The following MEIG1 variants were observed in gnomAD, a reference collection of about 807,000 sequenced individuals.
MEIG1 encodes meiosis/spermiogenesis associated 1.
In MEIG1, 12 loss-of-function variants were observed where a neutral mutation model predicts 11.3. That is an observed-to-expected ratio of 1.07 (90% CI 0.68 to 1.73). The LOEUF (loss-of-function observed/expected upper bound fraction) is 1.73, where lower values mean the gene tolerates loss of function less well. Ranked by LOEUF, MEIG1 falls within the 40% of genes most tolerant of loss-of-function variation. The pLI, the probability that MEIG1 is intolerant of heterozygous loss-of-function variation, is 0.00. For missense variants in MEIG1, 119 were observed against 104.9 expected (o/e 1.13, Z -0.59); for synonymous variants, 41 against 33.2 (o/e 1.24, Z -0.81).
At chr10:14,983,549 G>C (rs558703803) in intron 1 of MEIG1, among the ~76,000 whole-genome samples, 1 of 152,158 alleles carries the variant, frequency 6.6e-6, no homozygotes, top group Admixed American at 6.5e-5. Flanking sequence ...TGTACATCCA[G>C]TCTGTGCTAT....
downstream of MEIG1, among the ~76,000 whole-genome samples, chr10:14,975,664 A>C (rs4317883): frequency 5.3e-5 from 8 of 151,746 alleles, no homozygotes; most frequent in Non-Finnish European, 1.2e-4. Context: ...CTGTGATATG[A>C]TCCTTAATAT....
At chr10:14,968,310 A>G (rs1843111341) in intron 2 of MEIG1, among the ~76,000 whole-genome samples, 1 of 152,074 alleles carries the variant, frequency 6.6e-6, no homozygotes, top group African/African-American at 2.4e-5. Flanking sequence ...CAACATGGTG[A>G]AACCCTGTCT....
chr10:14,964,564 A>AGTGT (rs151283080), intron 1 of MEIG1, among the ~76,000 whole-genome samples: 5,418 of 104,286 alleles, frequency 0.052, 182 homozygotes, highest in Non-Finnish European at 0.06. Flanking sequence ...TGTATATAAG[A>AGTGT]GTGTGTGTGT....
chr10:14,977,457 C>A (rs534831691), downstream of MEIG1, among the ~76,000 whole-genome samples: 1 of 152,018 alleles, frequency 6.6e-6, no homozygotes, highest in South Asian at 2.1e-4. Context: ...GGGATGTACA[C>A]CGTGTGATAT....
At chr10:14,958,931 A>C (rs551146596), upstream of MEIG1, among the ~76,000 whole-genome samples, 2 of 152,264 alleles carry the variant, frequency 1.3e-5, no homozygotes, top group South Asian at 4.1e-4. Flanking sequence ...AAAACCGTAT[A>C]TCTTGAATCT....
chr10:14,956,209 G>A (rs1317154156), upstream of MEIG1, among the ~76,000 whole-genome samples: 15 of 152,180 alleles, frequency 9.9e-5, no homozygotes. Flanking sequence ...AGTGGGGCCT[G>A]GCAGTTTGCA....
At chr10:14,983,058 T>G (rs1341680405) in intron 1 of MEIG1, among the ~76,000 whole-genome samples, 1 of 152,166 alleles carries the variant, frequency 6.6e-6, no homozygotes, top group African/African-American at 2.4e-5. Context: ...ATGAATATTA[T>G]GCCTAATACC....
intron 1 of MEIG1, among the ~76,000 whole-genome samples, chr10:14,982,682 G>C (rs1347595618): frequency 1.3e-5 from 2 of 151,964 alleles, no homozygotes; most frequent in Non-Finnish European, 2.9e-5. Flanking sequence ...GGTCGTAGAC[G>C]AGCTGCCAAG....
intron 2 of MEIG1, chr10:14,987,087 C>A: frequency 1.5e-6 from 1 of 663,016 alleles, no homozygotes; most frequent in South Asian, 1.5e-5. Context: ...CCATCACAGT[C>A]AGGAGCATGC....
At position 14,979,416 on chromosome 10, in the gene MEIG1, A is replaced by T. The variant is rs183842339; in HGVS notation, n.66+6796A>T. On this transcript the variant is annotated intron_variant and non_coding_transcript_variant, in intron 1 of 2. Coordinates refer to the MEIG1 transcript ENST00000467536. ...AAGTCACAGGTGTGTATGCCCTGGG[A>T]TAGTATTCACAATATACTAGCGGGA... Among the ~76,000 whole-genome samples, 777 of 151,814 alleles carry T rather than the reference A, an allele frequency of 5.1e-3. 6 individuals are homozygous for T. Among genetic ancestry groups the T allele is most frequent in the Non-Finnish European group, 8.5e-3 (575 of 67,874 alleles).
chr10:14,968,879 G>T (rs1269120240), intron 2 of MEIG1, among the ~76,000 whole-genome samples: 1 of 152,160 alleles, frequency 6.6e-6, no homozygotes, highest in African/African-American at 2.4e-5. Flanking sequence ...GGGAGTTTGA[G>T]ACCAGCCTGA....
intron 2 of MEIG1, among the ~76,000 whole-genome samples, chr10:14,970,937 A>G (rs1025593946): frequency 4.6e-5 from 7 of 152,274 alleles, no homozygotes; most frequent in Admixed American, 4.6e-4. Flanking sequence ...GATAAAGTGC[A>G]TCTCACAAAA....
upstream of MEIG1, chr10:14,954,448 C>T: frequency 3.4e-6 from 1 of 297,858 alleles, no homozygotes; most frequent in South Asian, 3.2e-5. Flanking sequence ...TGCTTGTCTG[C>T]TGCTAGCCTG....
At chr10:14,977,488 G>A (rs773635593), downstream of MEIG1, among the ~76,000 whole-genome samples, 4 of 151,974 alleles carry the variant, frequency 2.6e-5, no homozygotes, top group Non-Finnish European at 4.4e-5. Context: ...ATTGTAGGGG[G>A]ATGTCACTCC....
chr10:14,977,540 A>G (rs1843222019), downstream of MEIG1, among the ~76,000 whole-genome samples: 1 of 151,956 alleles, frequency 6.6e-6, no homozygotes. Context: ...TATTATTTGT[A>G]ATCTTATAGA....
At chr10:14,962,586 A>G (rs752723788) in intron 1 of MEIG1, among the ~76,000 whole-genome samples, 3 of 152,200 alleles carry the variant, frequency 2.0e-5, no homozygotes, top group Non-Finnish European at 4.4e-5. Flanking sequence ...AAAAGGTTAC[A>G]TAGATGGCAT....
exon 2 of MEIG1, chr10:14,986,811 A>C (rs2131287569): frequency 2.8e-6 from 1 of 357,202 alleles, no homozygotes; most frequent in Non-Finnish European, 5.4e-6. Flanking sequence ...GGGTTTCACC[A>C]TGTTGGCCAA....
intron 1 of MEIG1, among the ~76,000 whole-genome samples, chr10:14,960,900 A>G (rs1843005160): frequency 6.6e-6 from 1 of 152,070 alleles, no homozygotes; most frequent in Non-Finnish European, 1.5e-5. Context: ...ATGGTGGCGC[A>G]TGCCTGTAAT....
intron 1 of MEIG1, among the ~76,000 whole-genome samples, chr10:14,982,972 G>A (rs1843280286): frequency 6.6e-6 from 1 of 152,050 alleles, no homozygotes; most frequent in South Asian, 2.1e-4. Flanking sequence ...CACTTTTTAT[G>A]AGCAATTATT....
Sources: gnomAD v4.1 joint callset for allele counts (sites outside exome capture counted in the v4.1 genomes callset) on GRCh38, gnomAD v4.1.1 for gene constraint, MANE v1.5 for transcripts, NCBI Gene and HGNC (gene_info 2026-07-23, HGNC 2026-07-21) for gene names.